The following TENM3 variants were observed in gnomAD, a reference collection of about 807,000 sequenced individuals.
The protein encoded by TENM3 is teneurin transmembrane protein 3, also known as teneurin-3.
A neutral mutation model predicts 255.1 loss-of-function variants in TENM3; 63 were observed. That is an observed-to-expected ratio of 0.25 (90% CI 0.20 to 0.30). The LOEUF (loss-of-function observed/expected upper bound fraction) is 0.30, where lower values mean the gene tolerates loss of function less well. TENM3 is among the 10% of genes least tolerant of loss of function. TENM3 has a pLI of 1.00. For missense variants in TENM3, 2,929 were observed against 3,461.1 expected (o/e 0.85, Z 3.86); for synonymous variants, 1,306 against 1,322.3 (o/e 0.99, Z 0.27).
the TENM3 span, among the ~76,000 whole-genome samples, chr4:181,856,196 G>T: frequency 6.6e-6 from 1 of 150,590 alleles, no homozygotes; most frequent in African/African-American, 2.4e-5. Flanking sequence ...GGAGGGAGGG[G>T]CACATGGTCC....
intron 3 of TENM3, among the ~76,000 whole-genome samples, chr4:182,525,618 C>T (rs1739079852): frequency 6.6e-6 from 1 of 152,200 alleles, no homozygotes; most frequent in South Asian, 2.1e-4. Flanking sequence ...TGTGTATGTA[C>T]ACCCGTCCCT....
chr4:181,764,371 T>G, the TENM3 span, among the ~76,000 whole-genome samples: 2 of 152,154 alleles, frequency 1.3e-5, no homozygotes, highest in African/African-American at 4.8e-5. Context: ...AAGTCTGACT[T>G]TATGACACAG....
intron 1 of TENM3, among the ~76,000 whole-genome samples, chr4:182,223,751 A>G (rs1290741698): frequency 1.3e-5 from 2 of 150,026 alleles, no homozygotes; most frequent in Non-Finnish European, 3.0e-5. Flanking sequence ...GAATATAATC[A>G]TAGAACACTG....
At chr4:181,893,288 G>T in the TENM3 span, among the ~76,000 whole-genome samples, 1 of 152,078 alleles carries the variant, frequency 6.6e-6, no homozygotes, top group African/African-American at 2.4e-5. Flanking sequence ...TACAGAACAA[G>T]TGGGGTTCCA....
At chr4:182,409,471 T>G (rs916689708) in intron 3 of TENM3, among the ~76,000 whole-genome samples, 8 of 152,202 alleles carry the variant, frequency 5.3e-5, no homozygotes, top group Admixed American at 1.3e-4. Flanking sequence ...GGCTGCGGTA[T>G]TTTCCCCTGT....
At chr4:181,998,846 TTATCA>T in the TENM3 span, among the ~76,000 whole-genome samples, 4 of 152,176 alleles carry the variant, frequency 2.6e-5, no homozygotes, top group Admixed American at 6.6e-5. Context: ...TATAGGCATT[TTATCA>T]GACTGCCCTG....
intron 3 of TENM3, among the ~76,000 whole-genome samples, chr4:182,433,187 G>A (rs1463673689): frequency 3.9e-5 from 6 of 152,158 alleles, no homozygotes; most frequent in Non-Finnish European, 8.8e-5. Context: ...TTCGCATGGT[G>A]AGTGGGGGAA....
At chr4:182,537,593 A>G (rs1740464520) in intron 3 of TENM3, among the ~76,000 whole-genome samples, 1 of 152,334 alleles carries the variant, frequency 6.6e-6, no homozygotes, top group East Asian at 1.9e-4. Context: ...ATTTGCATGT[A>G]GAATGCTCTC....
At chr4:181,695,623 G>A in the TENM3 span, among the ~76,000 whole-genome samples, 2 of 152,116 alleles carry the variant, frequency 1.3e-5, no homozygotes, top group African/African-American at 4.8e-5. Flanking sequence ...TGAAGACTGA[G>A]CTTCCTTATC....
chr4:181,848,246 C>T, the TENM3 span, among the ~76,000 whole-genome samples: 2,572 of 152,242 alleles, frequency 0.017, 42 homozygotes, highest in Middle Eastern at 0.048. Context: ...TCCAAGTGCA[C>T]GGAGTTGAAC....
At chr4:181,681,066 T>C in the TENM3 span, among the ~76,000 whole-genome samples, 1 of 152,038 alleles carries the variant, frequency 6.6e-6, no homozygotes, top group Non-Finnish European at 1.5e-5. Flanking sequence ...TACATTCTTT[T>C]AGCTAATAAG....
At chr4:182,031,340 G>A in the TENM3 span, among the ~76,000 whole-genome samples, 2 of 152,052 alleles carry the variant, frequency 1.3e-5, no homozygotes, top group Admixed American at 6.6e-5. Context: ...TTTTTATCAC[G>A]TTTGTTGAAA....
At chr4:181,640,045 G>C in the TENM3 span, among the ~76,000 whole-genome samples, 1 of 152,190 alleles carries the variant, frequency 6.6e-6, no homozygotes, top group Non-Finnish European at 1.5e-5. Flanking sequence ...GCCACGTCCT[G>C]GTGGTACACA....
At chr4:181,544,597 C>T in the TENM3 span, among the ~76,000 whole-genome samples, 2 of 144,210 alleles carry the variant, frequency 1.4e-5, no homozygotes, top group Non-Finnish European at 3.0e-5. Context: ...GGAATACAAA[C>T]ATATTTTAAT....
At chr4:182,264,193 C>T (rs1363660475) in intron 1 of TENM3, among the ~76,000 whole-genome samples, 2 of 152,218 alleles carry the variant, frequency 1.3e-5, no homozygotes, top group Admixed American at 1.3e-4. Flanking sequence ...TCTTAAGCTG[C>T]TGTATTTTGA....
intron 3 of TENM3, among the ~76,000 whole-genome samples, chr4:182,349,582 G>C (rs1349470615): frequency 1.3e-5 from 2 of 152,094 alleles, no homozygotes; most frequent in Non-Finnish European, 2.9e-5. Flanking sequence ...CTGGGTTATA[G>C]TAAGAAGTGA....
chr4:181,812,396 G>T, the TENM3 span, among the ~76,000 whole-genome samples: 1 of 152,150 alleles, frequency 6.6e-6, no homozygotes, highest in Admixed American at 6.5e-5. Context: ...AAAAAAATTG[G>T]CTGATAATTT....
intron 12 of TENM3, chr4:182,698,134 T>C (rs1464159694): frequency 6.6e-6 from 1 of 152,164 alleles, no homozygotes; most frequent in African/African-American, 2.4e-5. Flanking sequence ...TTCCACAGCC[T>C]GTTGAGTGAG....
the TENM3 span, among the ~76,000 whole-genome samples, chr4:182,065,669 T>A: frequency 6.6e-6 from 1 of 152,152 alleles, no homozygotes; most frequent in Non-Finnish European, 1.5e-5. Flanking sequence ...GAGACACACA[T>A]AGAAAGCACA....
Sources: gnomAD v4.1 joint callset for allele counts (sites outside exome capture counted in the v4.1 genomes callset) on GRCh38, gnomAD v4.1.1 for gene constraint, MANE v1.5 for transcripts, NCBI Gene and HGNC (gene_info 2026-07-23, HGNC 2026-07-21) for gene names.